Variants in GRIA4 observed in about 807,000 individuals in gnomAD.
GRIA4 encodes the protein glutamate receptor 4.
GRIA4 carries 34 observed loss-of-function variants against 104.0 expected under a neutral mutation model. That is an observed-to-expected ratio of 0.33 (90% CI 0.25 to 0.44). The LOEUF (loss-of-function observed/expected upper bound fraction) is 0.44, where lower values mean the gene tolerates loss of function less well. GRIA4 is among the 20% of genes least tolerant of loss of function. The probability of loss-of-function intolerance (pLI) is 1.00; values close to 1 mark genes in which losing one functional copy is unlikely to be tolerated. For missense variants in GRIA4, 750 were observed against 1,096.5 expected (o/e 0.68, Z 4.46); for synonymous variants, 386 against 381.9 (o/e 1.01, Z -0.13).
In GRIA4 at chr11:105,979,683, G is replaced by A. The variant is rs1859178030; in HGVS notation, c.2653G>A (p.Gly885Arg). The change falls in exon 17 of 17, where the codon GGA (glycine) becomes AGA (arginine). Residue 885 changes from glycine to arginine, a missense_variant. Physicochemically the swap from Gly to Arg is moderately radical, Grantham distance 125. Around this residue, in one of 3 missense-constraint regions of GRIA4, gnomAD observed 68 missense variants for 69.3 expected, o/e 0.98. Coordinates refer to ENST00000282499, the MANE Select transcript of GRIA4 (RefSeq NM_000829.4). ...TPDCPKAVHT[G>R]TAIRQSSGLA... is the part of the protein sequence containing the mutation. ...TGACTGCCCAAAGGCTGTACACACTGGAACTGCAATCAGACAAAGTTCAGG... is the reference window on the plus strand; with the variant it reads ...TGACTGCCCAAAGGCTGTACACACTAGAACTGCAATCAGACAAAGTTCAGG... The A allele has an allele frequency of 6.2e-7, 1 of 1,613,846 alleles. No individual in the cohort carries two copies. Among genetic ancestry groups the A allele is most frequent in the Admixed American group, 1.7e-5 (1 of 60,016 alleles).
intron 4 of GRIA4, among the ~76,000 whole-genome samples, chr11:105,851,968 G>A (rs1046371767): frequency 6.6e-6 from 1 of 152,196 alleles, no homozygotes; most frequent in South Asian, 2.1e-4. Flanking sequence ...CTCTGGATCA[G>A]TGGCCTGAAA....
chr11:105,970,590 T>G (rs656292), intron 14 of GRIA4, among the ~76,000 whole-genome samples: 98,471 of 152,048 alleles, frequency 0.65, 31,933 homozygotes, highest in Middle Eastern at 0.72. Flanking sequence ...CTCAGTAAAT[T>G]TTAGCTGTCA....
chr11:105,884,107 C>T (rs140584641), intron 5 of GRIA4, among the ~76,000 whole-genome samples: 134 of 152,294 alleles, frequency 8.8e-4, no homozygotes, highest in African/African-American at 3.2e-3. Context: ...TTGTCTTCCC[C>T]TACATTTTTC....
intron 13 of GRIA4, among the ~76,000 whole-genome samples, chr11:105,927,288 G>A (rs553352781): frequency 1.6e-4 from 24 of 152,152 alleles, no homozygotes; most frequent in Admixed American, 8.5e-4. Context: ...GGCTGAGAGC[G>A]TAAAAATGAA....
At chr11:105,847,075 G>T (rs1944625013) in intron 4 of GRIA4, among the ~76,000 whole-genome samples, 2 of 151,638 alleles carry the variant, frequency 1.3e-5, no homozygotes, top group South Asian at 4.2e-4. Flanking sequence ...CAGGATCTTA[G>T]ATTCTCATGA....
At chr11:105,646,009 T>C (rs1951517120) in intron 3 of GRIA4, among the ~76,000 whole-genome samples, 1 of 152,234 alleles carries the variant, frequency 6.6e-6, no homozygotes, top group East Asian at 1.9e-4. Flanking sequence ...AAATAAAAAA[T>C]CAGTATGGTC....
At chr11:105,628,722 GC>G (rs888753609) in intron 3 of GRIA4, among the ~76,000 whole-genome samples, 3 of 152,112 alleles carry the variant, frequency 2.0e-5, no homozygotes, top group African/African-American at 7.2e-5. Flanking sequence ...TAATGCACAT[GC>G]CTTTAGCATT....
chr11:105,705,613 G>A (rs1360849641), intron 3 of GRIA4, among the ~76,000 whole-genome samples: 2 of 152,072 alleles, frequency 1.3e-5, no homozygotes, highest in Non-Finnish European at 2.9e-5. Context: ...ACTGACGAGA[G>A]AGAGAGAGAG....
intron 4 of GRIA4, among the ~76,000 whole-genome samples, chr11:105,811,437 G>C (rs1943168319): frequency 6.6e-6 from 1 of 152,054 alleles, no homozygotes; most frequent in South Asian, 2.1e-4. Context: ...CACATCCCCA[G>C]AGGCAGCCTC....
At chr11:105,847,946 T>C (rs1045893101) in intron 4 of GRIA4, among the ~76,000 whole-genome samples, 1 of 152,076 alleles carries the variant, frequency 6.6e-6, no homozygotes, top group African/African-American at 2.4e-5. Flanking sequence ...ATATACTCCA[T>C]GAGATTTAAT....
chr11:105,976,478 CA>C (rs3834444), intron 16 of GRIA4, among the ~76,000 whole-genome samples: 86,221 of 151,434 alleles, frequency 0.57, 24,567 homozygotes, highest in Middle Eastern at 0.63. Context: ...ACATTTAAGA[CA>C]AAAAAATTTC....
intron 4 of GRIA4, among the ~76,000 whole-genome samples, chr11:105,847,184 G>T (rs1944630873): frequency 6.6e-6 from 1 of 152,132 alleles, no homozygotes; most frequent in Non-Finnish European, 1.5e-5. Context: ...AGATCATCAG[G>T]ATCTTAGATT....
At chr11:105,685,957 T>C (rs977246262) in intron 3 of GRIA4, among the ~76,000 whole-genome samples, 1 of 151,722 alleles carries the variant, frequency 6.6e-6, no homozygotes, top group South Asian at 2.1e-4. Context: ...AAGGCAAGGA[T>C]GCGGATGTTG....
At chr11:105,694,331 G>T (rs1483118501) in intron 3 of GRIA4, among the ~76,000 whole-genome samples, 1 of 151,948 alleles carries the variant, frequency 6.6e-6, no homozygotes, top group African/African-American at 2.4e-5. Context: ...TGTATTTTTA[G>T]TAGAGAGGGA....
chr11:105,653,096 A>G (rs905933296), intron 3 of GRIA4, among the ~76,000 whole-genome samples: 3 of 152,110 alleles, frequency 2.0e-5, no homozygotes, highest in African/African-American at 7.2e-5. Context: ...TATTTTTAGT[A>G]GAGACGGGGT....
intron 3 of GRIA4, among the ~76,000 whole-genome samples, chr11:105,614,609 AT>A (rs1950555011): frequency 6.6e-6 from 1 of 152,040 alleles, no homozygotes; most frequent in Non-Finnish European, 1.5e-5. Context: ...GTGATCTAAT[AT>A]TTGTTATAAT....
intron 4 of GRIA4, among the ~76,000 whole-genome samples, chr11:105,850,818 A>G (rs537211962): frequency 6.6e-6 from 1 of 152,316 alleles, no homozygotes; most frequent in Non-Finnish European, 1.5e-5. Flanking sequence ...CTTCTTGGAA[A>G]TATCATTGTA....
At chr11:105,616,114 G>T (rs761511935) in intron 3 of GRIA4, among the ~76,000 whole-genome samples, 3 of 151,576 alleles carry the variant, frequency 2.0e-5, no homozygotes, top group Non-Finnish European at 4.4e-5. Flanking sequence ...AATAATAATA[G>T]AATTTTATAG....
chr11:105,891,540 C>T (rs1026223140), intron 6 of GRIA4, among the ~76,000 whole-genome samples: 1 of 152,172 alleles, frequency 6.6e-6, no homozygotes, highest in Admixed American at 6.5e-5. Context: ...TCAGACCAAA[C>T]TAATTCCCAG....
Sources: gnomAD v4.1 joint callset for allele counts (sites outside exome capture counted in the v4.1 genomes callset) on GRCh38, gnomAD v4.1.1 for gene constraint, gnomAD v4.1.1 regional missense constraint, MANE v1.5 for transcripts, NCBI Gene and HGNC (gene_info 2026-07-23, HGNC 2026-07-21) for gene names.